Variants in NLGN1 observed in about 807,000 individuals in gnomAD.
NLGN1 encodes neuroligin 1.
In NLGN1, 12 loss-of-function variants were observed where a neutral mutation model predicts 65.5. The ratio of observed to expected loss-of-function variants is 0.18; its 90% CI spans 0.12 to 0.30. NLGN1 has a LOEUF of 0.30. Ranked by LOEUF, NLGN1 falls within the 10% of genes least tolerant of loss-of-function variation. NLGN1 has a pLI of 1.00. For synonymous variants in NLGN1, 350 were observed against 359.5 expected (o/e 0.97, Z 0.30); for missense variants, 750 against 1,007.1 (o/e 0.74, Z 3.46).
At chr3:173,405,262 G>A (rs189973658) in intron 1 of NLGN1, among the ~76,000 whole-genome samples, 143 of 152,158 alleles carry the variant, frequency 9.4e-4, no homozygotes, top group African/African-American at 3.4e-3. Context: ...TTACTAGAAT[G>A]TGACAATGGA....
chr3:173,669,456 G>A (rs920301479), intron 3 of NLGN1, among the ~76,000 whole-genome samples: 11 of 152,102 alleles, frequency 7.2e-5, no homozygotes, highest in African/African-American at 2.7e-4. Flanking sequence ...TTAGTTTGTG[G>A]CAGCAAAACT....
chr3:174,174,739 A>G (rs938187146), intron 4 of NLGN1, among the ~76,000 whole-genome samples: 2 of 151,474 alleles, frequency 1.3e-5, no homozygotes, highest in African/African-American at 4.9e-5. Flanking sequence ...ATGCATCATC[A>G]GGTTATTTAA....
chr3:173,495,735 C>T (rs1332211672), intron 2 of NLGN1, among the ~76,000 whole-genome samples: 2 of 147,748 alleles, frequency 1.4e-5, no homozygotes, highest in Non-Finnish European at 3.0e-5. Flanking sequence ...CAAAATACAC[C>T]ATCTTAAGTG....
chr3:173,921,235 T>C (rs1266201808), intron 4 of NLGN1, among the ~76,000 whole-genome samples: 2 of 147,720 alleles, frequency 1.4e-5, no homozygotes, highest in East Asian at 3.9e-4. Context: ...GCATGTATAA[T>C]ATATGGTATA....
intron 4 of NLGN1, among the ~76,000 whole-genome samples, chr3:173,808,428 A>G (rs1049871900): frequency 1.3e-5 from 2 of 152,206 alleles, no homozygotes. Context: ...AATGATAAAT[A>G]CAAAGTGGAG....
intron 3 of NLGN1, among the ~76,000 whole-genome samples, chr3:173,695,282 C>T (rs1766043517): frequency 6.6e-6 from 1 of 152,106 alleles, no homozygotes; most frequent in Non-Finnish European, 1.5e-5. Flanking sequence ...ATTATTAATA[C>T]AGTCAGTCCC....
chr3:173,684,305 T>C (rs1294865438), intron 3 of NLGN1, among the ~76,000 whole-genome samples: 4 of 152,202 alleles, frequency 2.6e-5, no homozygotes, highest in East Asian at 1.9e-4. Context: ...TCCAGCAGCA[T>C]GTGTTTTAAA....
At chr3:174,110,564 T>C (rs1714973794) in intron 4 of NLGN1, among the ~76,000 whole-genome samples, 1 of 151,870 alleles carries the variant, frequency 6.6e-6, no homozygotes, top group African/African-American at 2.4e-5. Context: ...ATTAAAAGAG[T>C]TAACTATTAT....
chr3:173,484,785 G>A (rs1727890287), intron 2 of NLGN1, among the ~76,000 whole-genome samples: 1 of 152,096 alleles, frequency 6.6e-6, no homozygotes, highest in South Asian at 2.1e-4. Flanking sequence ...CCTTTGATCT[G>A]TTCATTTATA....
intron 4 of NLGN1, among the ~76,000 whole-genome samples, chr3:173,940,400 T>C (rs1326281256): frequency 2.0e-5 from 3 of 152,180 alleles, no homozygotes; most frequent in South Asian, 2.1e-4. Context: ...CAAATAGTTA[T>C]ATCTTGTAGG....
At chr3:173,642,592 T>G (rs1159596457) in intron 3 of NLGN1, among the ~76,000 whole-genome samples, 2 of 152,314 alleles carry the variant, frequency 1.3e-5, no homozygotes, top group Admixed American at 1.3e-4. Flanking sequence ...CATGGGGTAG[T>G]GTACTCAGGA....
chr3:173,733,894 T>A (rs1207670879), intron 3 of NLGN1, among the ~76,000 whole-genome samples: 1 of 152,116 alleles, frequency 6.6e-6, no homozygotes, highest in African/African-American at 2.4e-5. Context: ...GTTTGATGGA[T>A]AGTGCATTTT....
At chr3:173,435,573 G>A (rs938240282) in intron 2 of NLGN1, among the ~76,000 whole-genome samples, 4 of 152,090 alleles carry the variant, frequency 2.6e-5, no homozygotes, top group African/African-American at 7.2e-5. Context: ...GGTGGCACAC[G>A]CCTGTAATCC....
At chr3:173,648,915 C>A (rs1315170902) in intron 3 of NLGN1, among the ~76,000 whole-genome samples, 2 of 151,842 alleles carry the variant, frequency 1.3e-5, no homozygotes, top group African/African-American at 4.8e-5. Flanking sequence ...AGTATTTAAC[C>A]AAGAAAAAAG....
At chr3:173,566,542 G>A (rs1743702280) in intron 2 of NLGN1, among the ~76,000 whole-genome samples, 3 of 151,762 alleles carry the variant, frequency 2.0e-5, no homozygotes, top group Admixed American at 6.6e-5. Flanking sequence ...AAATATTCTC[G>A]CTCTCTGCCC....
chr3:173,467,919 T>C (rs1724647256), intron 2 of NLGN1, among the ~76,000 whole-genome samples: 2 of 152,130 alleles, frequency 1.3e-5, no homozygotes, highest in South Asian at 4.1e-4. Context: ...TAAGGCATAG[T>C]TGTTAATTTG....
chr3:173,474,034 T>G (rs576951428), intron 2 of NLGN1, among the ~76,000 whole-genome samples: 9 of 152,314 alleles, frequency 5.9e-5, no homozygotes, highest in African/African-American at 2.2e-4. Context: ...AAATATGTTG[T>G]TAGCCTAGGC....
intron 4 of NLGN1, among the ~76,000 whole-genome samples, chr3:173,839,081 G>C (rs1450608138): frequency 7.5e-6 from 1 of 133,900 alleles, no homozygotes; most frequent in African/African-American, 2.8e-5. Context: ...TTAACTTCTT[G>C]AATTGGATGA....
At chr3:174,228,311 A>G (rs1434574985) in intron 4 of NLGN1, among the ~76,000 whole-genome samples, 1 of 152,122 alleles carries the variant, frequency 6.6e-6, no homozygotes, top group Admixed American at 6.5e-5. Context: ...CTTCCTGTAG[A>G]GTAAGATAGA....
Sources: allele counts gnomAD v4.1 joint callset (sites outside exome capture counted in the v4.1 genomes callset), GRCh38; gene constraint gnomAD v4.1.1; transcripts MANE v1.5; gene names NCBI Gene and HGNC (gene_info 2026-07-23, HGNC 2026-07-21).